PPM1H: variants seen among roughly 807,000 people sequenced by gnomAD.
PPM1H encodes protein phosphatase, Mg2+/Mn2+ dependent 1H, also known as protein phosphatase 1H.
PPM1H carries 27 observed loss-of-function variants against 54.9 expected under a neutral mutation model. That is an observed-to-expected ratio of 0.49 (90% CI 0.36 to 0.68). PPM1H has a LOEUF of 0.68. Among genes scored for constraint, PPM1H ranks in the 30% least tolerant of loss-of-function variants. The probability of loss-of-function intolerance (pLI) is 0.00; values close to 1 mark genes in which losing one functional copy is unlikely to be tolerated. For synonymous variants in PPM1H, 305 were observed against 270.8 expected (o/e 1.13, Z -1.24); for missense variants, 596 against 667.8 (o/e 0.89, Z 1.19).
intron 1 of PPM1H, among the ~76,000 whole-genome samples, chr12:62,873,726 G>A (rs1019109230): frequency 2.0e-5 from 3 of 152,234 alleles, no homozygotes; most frequent in Non-Finnish European, 4.4e-5. Context: ...GCATCAGGCT[G>A]TGTAAAAGTT....
intron 1 of PPM1H, among the ~76,000 whole-genome samples, chr12:62,842,366 G>C (rs1868784401): frequency 6.6e-6 from 1 of 151,858 alleles, no homozygotes; most frequent in Non-Finnish European, 1.5e-5. Flanking sequence ...TTTCAAATGT[G>C]TAATTTAAAC....
chr12:62,658,212 T>TTTTTTTTTTTTTTC (rs768288538), intron 9 of PPM1H, among the ~76,000 whole-genome samples: 1 of 130,538 alleles, frequency 7.7e-6, no homozygotes, highest in Non-Finnish European at 1.6e-5. Context: ...TTTTTTTTTT[T>TTTTTTTTTTTTTTC]AAGTAAAAAA....
chr12:62,934,950 T>G lies in PPM1H; in HGVS notation c.-214A>C. 1 of 304,076 alleles carries G rather than the reference T, an allele frequency of 3.3e-6. No individual in the cohort carries two copies. 18.8% of individuals were successfully genotyped at this position (304,076 alleles called of 1,614,324 possible). On this transcript the variant is annotated 5_prime_UTR_variant, in exon 1 of 10. Coordinates refer to ENST00000228705, the MANE Select transcript of PPM1H (RefSeq NM_020700.2). The surrounding 1 kb of genome is among the most constrained non-coding windows in gnomAD (Gnocchi z 4.2). ...CGCGGTGGCCGCCGCCTCCCCCCGCTACACTTCCGCAACGGAGCTGCATGG... is the reference window on the plus strand; with the variant it reads ...CGCGGTGGCCGCCGCCTCCCCCCGCGACACTTCCGCAACGGAGCTGCATGG...
chr12:62,714,926 T>C (rs1376474683), intron 6 of PPM1H, among the ~76,000 whole-genome samples: 1 of 152,212 alleles, frequency 6.6e-6, no homozygotes, highest in Non-Finnish European at 1.5e-5. Flanking sequence ...CTGGAGAATC[T>C]GGCCTGGCGC....
intron 1 of PPM1H, among the ~76,000 whole-genome samples, chr12:62,864,346 T>TA (rs371126275): frequency 6.6e-6 from 1 of 152,170 alleles, no homozygotes; most frequent in Non-Finnish European, 1.5e-5. Context: ...AATATTGGTT[T>TA]AAAAAAATCA....
intron 1 of PPM1H, among the ~76,000 whole-genome samples, chr12:62,871,735 C>T (rs572612456): frequency 2.8e-4 from 42 of 152,014 alleles, no homozygotes; most frequent in Non-Finnish European, 7.4e-5. Flanking sequence ...AGGCTGGTGT[C>T]GAACTCATAA....
At chr12:62,781,145 T>C (rs2076639864) in intron 4 of PPM1H, among the ~76,000 whole-genome samples, 1 of 152,076 alleles carries the variant, frequency 6.6e-6, no homozygotes, top group African/African-American at 2.4e-5. Flanking sequence ...CGGGATAGGA[T>C]AGGATGCTTC....
intron 6 of PPM1H, among the ~76,000 whole-genome samples, chr12:62,705,169 G>A (rs2076166108): frequency 1.3e-5 from 2 of 152,158 alleles, no homozygotes; most frequent in Admixed American, 1.3e-4. Flanking sequence ...GATATACACC[G>A]ATATTTTCTT....
intron 1 of PPM1H, among the ~76,000 whole-genome samples, chr12:62,916,146 T>A (rs982786935): frequency 1.3e-5 from 2 of 152,132 alleles, no homozygotes; most frequent in Non-Finnish European, 2.9e-5. Flanking sequence ...AAATAGAAAA[T>A]ATATTTTTTA....
intron 3 of PPM1H, among the ~76,000 whole-genome samples, chr12:62,799,231 A>G (rs1487364304): frequency 2.6e-5 from 4 of 152,240 alleles, no homozygotes; most frequent in Admixed American, 6.5e-5. Context: ...TTTCTTTGCC[A>G]GCACAGTTGT....
chr12:62,865,080 C>A (rs1334198253), intron 1 of PPM1H, among the ~76,000 whole-genome samples: 1 of 152,154 alleles, frequency 6.6e-6, no homozygotes, highest in African/African-American at 2.4e-5. Flanking sequence ...CTGGCCAAAT[C>A]CTGTGGATAA....
intron 6 of PPM1H, among the ~76,000 whole-genome samples, chr12:62,707,809 C>G (rs2076183667): frequency 6.6e-6 from 1 of 152,090 alleles, no homozygotes; most frequent in Admixed American, 6.5e-5. Flanking sequence ...CAACCTAATA[C>G]CTGGTTCACT....
At chr12:62,922,327 A>C (rs887588366) in intron 1 of PPM1H, among the ~76,000 whole-genome samples, 16 of 124,614 alleles carry the variant, frequency 1.3e-4, no homozygotes, top group African/African-American at 4.4e-4. Flanking sequence ...GTTTATGGGG[A>C]TAGGATGTCT....
At chr12:62,670,018 C>T (rs551108916) in intron 8 of PPM1H, among the ~76,000 whole-genome samples, 2 of 84,864 alleles carry the variant, frequency 2.4e-5, no homozygotes, top group East Asian at 4.3e-4. Context: ...GCTCTTGTTG[C>T]CCAGGCTGGA....
At chr12:62,788,873 G>A (rs144442505) in intron 3 of PPM1H, among the ~76,000 whole-genome samples, 1,867 of 151,992 alleles carry the variant, frequency 0.012, 38 homozygotes, top group African/African-American at 0.043. Flanking sequence ...CCACAGGTGC[G>A]CACCACCATG....
intron 1 of PPM1H, among the ~76,000 whole-genome samples, chr12:62,904,768 C>T (rs1161605464): frequency 1.3e-5 from 2 of 152,186 alleles, no homozygotes; most frequent in African/African-American, 4.8e-5. Context: ...ACAGTTAAGT[C>T]TGCAATGTCT....
At chr12:62,815,751 G>A (rs944113931) in intron 2 of PPM1H, among the ~76,000 whole-genome samples, 3 of 152,132 alleles carry the variant, frequency 2.0e-5, no homozygotes, top group African/African-American at 4.8e-5. Context: ...GAAAATTGAG[G>A]TATGGAGAAG....
At chr12:62,918,253 T>C (rs1464212806) in intron 1 of PPM1H, among the ~76,000 whole-genome samples, 1 of 152,226 alleles carries the variant, frequency 6.6e-6, no homozygotes, top group Non-Finnish European at 1.5e-5. Context: ...CCCAGCACCA[T>C]GCTACTCCTC....
At chr12:62,719,906 C>A (rs1185154151) in intron 6 of PPM1H, among the ~76,000 whole-genome samples, 1 of 152,150 alleles carries the variant, frequency 6.6e-6, no homozygotes, top group Non-Finnish European at 1.5e-5. Context: ...CAAATATTTG[C>A]TACATGTGAA....
Sources: gnomAD v4.1 joint callset for allele counts (sites outside exome capture counted in the v4.1 genomes callset) on GRCh38, gnomAD v4.1.1 for gene constraint, Gnocchi (gnomAD v3.1) non-coding constraint, MANE v1.5 for transcripts, NCBI Gene and HGNC (gene_info 2026-07-23, HGNC 2026-07-21) for gene names.